Variants in PLA2G6 observed in about 807,000 individuals in gnomAD.
The protein encoded by PLA2G6 is 85/88 kDa calcium-independent phospholipase A2.
A neutral mutation model predicts 83.8 loss-of-function variants in PLA2G6; 62 were observed. That is an observed-to-expected ratio of 0.74 (90% CI 0.60 to 0.91). The LOEUF (loss-of-function observed/expected upper bound fraction) is 0.91. Ranked by LOEUF, PLA2G6 falls within the 40% of genes least tolerant of loss-of-function variation. The pLI is 0.00. For synonymous variants in PLA2G6, 417 were observed against 449.8 expected, an observed-to-expected ratio of 0.93 and a Z score of 0.92; for missense variants, 944 against 1,102.0, an observed-to-expected ratio of 0.86 and a Z score of 2.03.
chr22:38,168,525 C>A (rs1316712781), intron 2 of PLA2G6, among the ~76,000 whole-genome samples: 1 of 152,244 alleles, frequency 6.6e-6, no homozygotes, highest in Non-Finnish European at 1.5e-5. Context: ...AAACCCTGGG[C>A]AGCCCCTATG....
intron 12 of PLA2G6, 74 bp downstream of exon 12, chr22:38,120,685 G>C: frequency 6.4e-7 from 1 of 1,560,124 alleles, no homozygotes; most frequent in South Asian, 1.1e-5. Context: ...CAGCAGGACA[G>C]GGAGCCCTCT....
intron 6 of PLA2G6, 96 bp from the exon 7 acceptor site, chr22:38,133,109 A>T: frequency 8.5e-7 from 1 of 1,174,732 alleles, no homozygotes; most frequent in Non-Finnish European, 1.2e-6. Flanking sequence ...TGAGAGGCCT[A>T]CAGGTACTGG....
chr22:38,120,644 C>T (rs1279168101), intron 12 of PLA2G6, 115 bp downstream of exon 12: 4 of 1,300,942 alleles, frequency 3.1e-6, no homozygotes, highest in Non-Finnish European at 3.3e-6. Flanking sequence ...CCTCTGCTCC[C>T]CTCAAGCGTG....
At chr22:38,121,811 C>G (rs1602092307) in intron 11 of PLA2G6, among the ~76,000 whole-genome samples, 1 of 152,170 alleles carries the variant, frequency 6.6e-6, no homozygotes, top group South Asian at 2.1e-4. Flanking sequence ...GCTCAGACCT[C>G]GTGCCCGCCC....
At chr22:38,154,748 A>G (rs1045133524) in intron 2 of PLA2G6, among the ~76,000 whole-genome samples, 3 of 152,246 alleles carry the variant, frequency 2.0e-5, no homozygotes, top group African/African-American at 7.2e-5. Flanking sequence ...ACAGGAAAAC[A>G]TGACCTCACC....
chr22:38,126,765 T>C, intron 9 of PLA2G6: 1 of 412,738 alleles, frequency 2.4e-6, no homozygotes, highest in Non-Finnish European at 4.6e-6. Context: ...TGAATACCCT[T>C]GCGTGTCCTC....
chr22:38,112,712 C>T (rs917537562), intron 15 of PLA2G6, 135 bp from the exon 16 acceptor site: 6 of 750,692 alleles, frequency 8.0e-6, no homozygotes, highest in Non-Finnish European at 1.4e-5. Context: ...AGCCACACAG[C>T]AGCAGAGCGG....
chr22:38,111,978 G>A lies in PLA2G6; in HGVS notation c.*183C>T, dbSNP rs1602050052. The A allele has an allele frequency of 3.5e-6, 2 of 565,466 alleles. No homozygotes were observed. Among genetic ancestry groups the A allele is most frequent in the South Asian group, 2.1e-5 (1 of 48,640 alleles). The allele number at this position is 565,466 out of a possible 1,614,324, so 35.0% of individuals were successfully genotyped here. On this transcript the variant is annotated 3_prime_UTR_variant, in exon 17 of 17. Coordinates refer to ENST00000332509, the MANE Select transcript of PLA2G6 (RefSeq NM_003560.4). ...GAATGACAGAAAGTGCTGGAAGGCG[G>A]GGTTAGTGGGAGACAGGCCTTCAGG...
chr22:38,117,926 C>T (rs779682743), intron 12 of PLA2G6, among the ~76,000 whole-genome samples: 11 of 151,808 alleles, frequency 7.2e-5, no homozygotes, highest in Admixed American at 1.3e-4. Flanking sequence ...ATCCCAGCTA[C>T]TCCGGAGGCT....
rs2145766871 is a variant in PLA2G6 at position 38,132,197 on chromosome 22, G to C, written c.1077+634C>G. 1 of 433,818 alleles carries C rather than the reference G, an allele frequency of 2.3e-6. No homozygotes were observed. The highest frequency in any genetic ancestry group is 7.3e-5 in the East Asian group (1 of 13,722). The allele number at this position is 433,818 out of a possible 1,614,324, so 26.9% of individuals were successfully genotyped here. A position where few individuals can be genotyped will look rare whatever the true frequency, so the allele number is the denominator to read the frequency against. ...CTAGGTTTAATATGTTCATACTCTAGATGTGTAACCAGACAGTAAGGGCTT... is the reference window on the plus strand; with the variant it reads ...CTAGGTTTAATATGTTCATACTCTACATGTGTAACCAGACAGTAAGGGCTT... On this transcript the variant is annotated intron_variant, in intron 7 of 16. Transcript: ENST00000332509. The surrounding 1 kb of genome is among the most constrained non-coding windows in gnomAD (Gnocchi z 5.0).
chr22:38,177,549 G>C (rs1486442338), intron 1 of PLA2G6, among the ~76,000 whole-genome samples: 4 of 146,606 alleles, frequency 2.7e-5, no homozygotes, highest in Non-Finnish European at 5.9e-5. Flanking sequence ...TGCAACCTCT[G>C]CCTCCCGGGT....
At chr22:38,173,943 T>A (rs1194588089) in intron 1 of PLA2G6, among the ~76,000 whole-genome samples, 1 of 151,946 alleles carries the variant, frequency 6.6e-6, no homozygotes, top group Non-Finnish European at 1.5e-5. Flanking sequence ...TCCCAGCTAC[T>A]CGGGAGGCTA....
chr22:38,126,211 C>T (rs1217998138), intron 10 of PLA2G6, 160 bp downstream of exon 10: 1 of 706,320 alleles, frequency 1.4e-6, no homozygotes, highest in Non-Finnish European at 2.6e-6. Flanking sequence ...CACAGGCTCT[C>T]CATGTTCTGT....
chr22:38,154,414 C>T (rs1475288376), intron 2 of PLA2G6, among the ~76,000 whole-genome samples: 3 of 152,208 alleles, frequency 2.0e-5, no homozygotes, highest in Non-Finnish European at 2.9e-5. Flanking sequence ...GAGAGAGACT[C>T]CACTTTTAGG....
intron 5 of PLA2G6, chr22:38,135,549 G>A (rs1373185215): frequency 1.2e-5 from 2 of 169,422 alleles, no homozygotes; most frequent in African/African-American, 4.7e-5. Flanking sequence ...GAAGCAGTAT[G>A]ACAGAGTGGG....
In PLA2G6 at chr22:38,132,543, A is replaced by G; in HGVS notation, c.1077+288T>C. The stretch of plus-strand genomic sequence containing the variant: ...GACATGGCTTGCTCAGGGCCAGTCT[A>G]TGGCCAGAGCTGTCATTTTTCCCTC... On this transcript the variant is annotated intron_variant, in intron 7 of 16. Coordinates refer to ENST00000332509, the MANE Select transcript of PLA2G6 (RefSeq NM_003560.4). This position sits in a 1 kb window ranked among gnomAD's most constrained non-coding sequence, Gnocchi z 5.0. 1.9e-6 allele frequency: 1 copy of G among 529,956 alleles called. No homozygotes were observed. Among genetic ancestry groups the G allele is most frequent in the East Asian group, 3.3e-5 (1 of 30,610 alleles). 32.8% of individuals were successfully genotyped at this position (529,956 alleles called of 1,614,324 possible).
intron 3 of PLA2G6, chr22:38,144,856 A>ATAAAATAAAATAAAATAAAG (rs2089151981): frequency 4.7e-6 from 1 of 214,482 alleles, no homozygotes; most frequent in East Asian, 1.6e-4. Context: ...ATAAAATAAA[A>ATAAAATAAAATAAAATAAAG]TAAAATAAAA....
chr22:38,169,171 T>G, intron 2 of PLA2G6, 47 bp downstream of exon 2: 1 of 1,423,258 alleles, frequency 7.0e-7, no homozygotes, highest in Non-Finnish European at 9.9e-7. Flanking sequence ...ATCCGAGACG[T>G]GGGGGAGTGA....
chr22:38,145,695 G>C (rs2089207010), intron 2 of PLA2G6, 42 bp from the exon 3 acceptor site: 1 of 1,425,468 alleles, frequency 7.0e-7, no homozygotes, highest in Non-Finnish European at 9.8e-7. Context: ...AAATGAGTAA[G>C]GCGGGACCCT....
Sources: allele counts gnomAD v4.1 joint callset (sites outside exome capture counted in the v4.1 genomes callset), GRCh38; gene constraint gnomAD v4.1.1; non-coding constraint Gnocchi (gnomAD v3.1); transcripts MANE v1.5; gene names NCBI Gene and HGNC (gene_info 2026-07-23, HGNC 2026-07-21).